CLCA4: variants seen among roughly 807,000 people sequenced by gnomAD.
The protein encoded by CLCA4 is calcium-activated chloride channel regulator 4.
Under a neutral mutation model 78.9 loss-of-function variants are expected in CLCA4, and 69 were observed. The ratio of observed to expected loss-of-function variants is 0.87; its 90% CI spans 0.72 to 1.07. The LOEUF is 1.07. CLCA4 is among the 50% of genes least tolerant of loss of function. The pLI, the probability that CLCA4 is intolerant of heterozygous loss-of-function variation, is 0.00. For missense variants in CLCA4, 1,133 were observed against 1,095.8 expected, an observed-to-expected ratio of 1.03 and a Z score of -0.48; for synonymous variants, 362 against 375.8, an observed-to-expected ratio of 0.96 and a Z score of 0.42.
At chr1:86,568,563 A>G (rs1028714862) in intron 7 of CLCA4, among the ~76,000 whole-genome samples, 6 of 151,730 alleles carry the variant, frequency 4.0e-5, no homozygotes, top group African/African-American at 1.5e-4. Context: ...TCAGTCTGAT[A>G]TTACTAAAAA....
At position 86,575,531 on chromosome 1, in the gene CLCA4, A is replaced by G. The variant is rs952127841; in HGVS notation, c.1883A>G (p.Asn628Ser). The stretch of plus-strand genomic sequence containing the variant: ...GGATATGTACCTGTTCTTGGAGCCA[A>G]TGTGACTGCTTTCATTGAATCACAG... ...LQGYVPVLGANVTAFIESQNG... is the reference protein window; with the variant it reads ...LQGYVPVLGASVTAFIESQNG... Residue 628 changes from asparagine to serine, a missense_variant, in exon 11 of 14, where the codon AAT (asparagine) becomes AGT (serine). Coordinates refer to ENST00000370563, the MANE Select transcript of CLCA4 (RefSeq NM_012128.4). 4 of 1,613,286 alleles carry G rather than the reference A, an allele frequency of 2.5e-6. No homozygotes were observed. Among genetic ancestry groups the G allele is most frequent in the African/African-American group, 2.7e-5 (2 of 74,876 alleles).
chr1:86,558,377 A>G (rs1649911662), intron 1 of CLCA4, among the ~76,000 whole-genome samples: 1 of 152,112 alleles, frequency 6.6e-6, no homozygotes, highest in African/African-American at 2.4e-5. Flanking sequence ...TTCTTTCAAG[A>G]TCTCTTGTCA....
chr1:86,574,540 C>T lies in CLCA4; in HGVS notation c.1468C>T (p.Leu490Phe), dbSNP rs755506392. Reference protein sequence around the residue: ...NTDLSQKSLQLESKGLTLNSN... With the variant: ...NTDLSQKSLQFESKGLTLNSN... ...TTAATTTTGAAATCTATTTAAACAG[C>T]TCGAAAGTAAGGGATTAACACTGAA... Residue 490 changes from leucine to phenylalanine, a missense_variant and splice_region_variant, in exon 10 of 14, where the codon CTC (leucine) becomes TTC (phenylalanine). By Grantham distance (22) the Leu-to-Phe change is conservative. Coordinates refer to ENST00000370563, the MANE Select transcript of CLCA4 (RefSeq NM_012128.4). 6 of 1,608,884 alleles carry T rather than the reference C, an allele frequency of 3.7e-6. No homozygotes were observed. Among genetic ancestry groups the T allele is most frequent in the Non-Finnish European group, 8.5e-7 (1 of 1,175,756 alleles).
Position 86,577,908 on chromosome 1 carries a change from ATTCT to A in CLCA4, c.1962_1965del (p.Phe655ArgfsTer21), listed in dbSNP as rs769821054. The A allele has an allele frequency of 2.1e-5, 34 of 1,609,258 alleles. No individual in the cohort carries two copies. Among genetic ancestry groups the A allele is most frequent in the Non-Finnish European group, 2.7e-5 (32 of 1,178,122 alleles). On this transcript the variant is annotated frameshift_variant, in exon 12 of 14. Transcript: ENST00000370563. LOFTEE classifies it high-confidence loss of function. ...CCTTCATTTCTATAACAAGGCGCTGATTCTTTCAAGAATGATGGAGTCTACTCCA... is the reference window on the plus strand; with the variant it reads ...CCTTCATTTCTATAACAAGGCGCTGATTCAAGAATGATGGAGTCTACTCCA...
intron 12 of CLCA4, 107 bp downstream of exon 12, chr1:86,578,179 C>A: frequency 9.9e-7 from 1 of 1,014,780 alleles, no homozygotes; most frequent in Non-Finnish European, 1.4e-6. Flanking sequence ...TATAGCTTTT[C>A]CCATTTATGG....
intron 1 of CLCA4, among the ~76,000 whole-genome samples, chr1:86,558,663 AAGG>A (rs1649921777): frequency 6.6e-6 from 1 of 152,168 alleles, no homozygotes; most frequent in African/African-American, 2.4e-5. Context: ...TGGCAGCAGG[AAGG>A]AGAAGTATGA....
At chr1:86,572,971 T>G in intron 9 of CLCA4, 1 of 442,444 alleles carries the variant, frequency 2.3e-6, no homozygotes. Flanking sequence ...AGAAATGACA[T>G]TACAATGTTA....
chr1:86,577,934 T>TC lies in CLCA4; in HGVS notation c.1986dup (p.Arg663GlnfsTer13). The TC allele has an allele frequency of 6.2e-7, 1 of 1,612,782 alleles. No homozygotes were observed. The highest frequency in any genetic ancestry group is 2.2e-5 in the East Asian group (1 of 44,826). ...TTCTTTCAAGAATGATGGAGTCTAC[T>TC]CCAGGTATTTTACAGCATATACAGA... On this transcript the variant is annotated frameshift_variant, in exon 12 of 14. Coordinates refer to ENST00000370563, the MANE Select transcript of CLCA4 (RefSeq NM_012128.4). LOFTEE classifies it high-confidence loss of function.
At chr1:86,571,461 T>C in intron 8 of CLCA4, 1 of 461,136 alleles carries the variant, frequency 2.2e-6, no homozygotes, top group South Asian at 4.7e-5. Context: ...ATAGCATTCC[T>C]ACATAACAGG....
chr1:86,565,922 A>G lies in CLCA4; in HGVS notation c.856A>G (p.Ile286Val), dbSNP rs1325860743. Residue 286 changes from isoleucine (I) to valine (V), a missense_variant, in exon 6 of 14, where the codon ATA becomes GTA. Ile to Val is a conservative substitution (Grantham distance 29). Transcript: ENST00000370563. ...ISNSEDFKNTIPMVTPPPPPV... is the reference protein window; with the variant it reads ...ISNSEDFKNTVPMVTPPPPPV... ...CAATTCTGAGGATTTTAAAAACACC[A>G]TACCCATGGTGACACCACCTCCTCC... 1 of 1,613,124 alleles carries G rather than the reference A, an allele frequency of 6.2e-7. No homozygotes were observed. The highest frequency in any genetic ancestry group is 8.5e-7 in the Non-Finnish European group (1 of 1,179,292).
chr1:86,555,077 G>A (rs1649796260), intron 1 of CLCA4, among the ~76,000 whole-genome samples: 1 of 151,850 alleles, frequency 6.6e-6, no homozygotes, highest in Admixed American at 6.6e-5. Flanking sequence ...TTGTAAATTT[G>A]TTTACATTCC....
chr1:86,563,268 T>C (rs1006771168), intron 3 of CLCA4, among the ~76,000 whole-genome samples: 2 of 151,640 alleles, frequency 1.3e-5, no homozygotes, highest in Non-Finnish European at 2.9e-5. Flanking sequence ...TTTCATATAA[T>C]TAATGCCTAT....
rs928828297 is a variant in CLCA4 at position 86,580,514 on chromosome 1, C to CTA, written c.*169_*170insTA. ...AAAGGATACTTTGATTAAATAAAAA[C>CTA]ACTCATGGATATGTAAAAACTGTCA... On this transcript the variant is annotated 3_prime_UTR_variant, in exon 14 of 14. Coordinates refer to ENST00000370563, the MANE Select transcript of CLCA4 (RefSeq NM_012128.4). 1 of 462,684 alleles carries CTA rather than the reference C, an allele frequency of 2.2e-6. No individual in the cohort carries two copies. Among genetic ancestry groups the CTA allele is most frequent in the African/African-American group, 2.0e-5 (1 of 49,762 alleles). The allele number at this position is 462,684 out of a possible 1,614,324, so 28.7% of individuals were successfully genotyped here. A position where few individuals can be genotyped will look rare whatever the true frequency, so the allele number is the denominator to read the frequency against.
rs945533922 is a variant in CLCA4, at chr1:86,575,565, T to A, written c.1917T>A (p.His639Gln). Residue 639 changes from histidine (H) to glutamine (Q), a missense_variant, in exon 11 of 14, where the codon CAT (histidine) becomes CAA (glutamine). By Grantham distance (24) the His-to-Gln change is conservative. Transcript: ENST00000370563. ...CTTTCATTGAATCACAGAATGGACA[T>A]ACAGAAGTTTTGGAACTTTTGGATA... ...VTAFIESQNG[H>Q]TEVLELLDNG... 1 of 1,612,936 alleles carries A rather than the reference T, an allele frequency of 6.2e-7. No homozygotes were observed. Among genetic ancestry groups the A allele is most frequent in the Non-Finnish European group, 8.5e-7 (1 of 1,179,322 alleles).
Position 86,575,604 on chromosome 1 carries a change from T to G in CLCA4, c.1951+5T>G. 1 of 1,609,486 alleles carries G rather than the reference T, an allele frequency of 6.2e-7. No homozygotes were observed. Among genetic ancestry groups the G allele is most frequent in the Non-Finnish European group, 8.5e-7 (1 of 1,177,164 alleles). Reference sequence around the variant, plus strand: ...AACTTTTGGATAATGGTGCAGGTAATTCACAGGTTTTTATGAATAAGCCAA... The same window carrying G: ...AACTTTTGGATAATGGTGCAGGTAAGTCACAGGTTTTTATGAATAAGCCAA... On this transcript the variant is annotated splice_donor_5th_base_variant and intron_variant, in intron 11 of 13. Coordinates refer to ENST00000370563, the MANE Select transcript of CLCA4 (RefSeq NM_012128.4).
rs971981455 is a variant in CLCA4 at position 86,565,929 on chromosome 1, T to C, written c.863T>C (p.Met288Thr). ...GAGGATTTTAAAAACACCATACCCA[T>C]GGTGACACCACCTCCTCCACCTGTC... ...NSEDFKNTIP[M>T]VTPPPPPVFS... Residue 288 changes from methionine to threonine, a missense_variant, in exon 6 of 14, where the codon ATG becomes ACG. Met to Thr is a moderately conservative substitution (Grantham distance 81). Transcript: ENST00000370563. 1.2e-6 allele frequency: 2 copies of C among 1,613,290 alleles called. No individual in the cohort carries two copies. The highest frequency in any genetic ancestry group is 1.7e-6 in the Non-Finnish European group (2 of 1,179,414).
intron 10 of CLCA4, 90 bp downstream of exon 10, chr1:86,574,845 G>T: frequency 1.1e-6 from 1 of 911,924 alleles, no homozygotes; most frequent in Non-Finnish European, 1.7e-6. Flanking sequence ...ACCAAAGGCT[G>T]TATCAACTTT....
chr1:86,553,295 G>T (rs1649720418), intron 1 of CLCA4: 2 of 697,814 alleles, frequency 2.9e-6, no homozygotes, highest in Non-Finnish European at 5.1e-6. Context: ...CTCCCTCCAC[G>T]TCTTCCTGGT....
intron 1 of CLCA4, chr1:86,552,646 G>A: frequency 1.3e-6 from 1 of 765,208 alleles, no homozygotes. Flanking sequence ...TCTCCACCAT[G>A]TGGTCCAGCT....
Sources: gnomAD v4.1 joint callset for allele counts (sites outside exome capture counted in the v4.1 genomes callset) on GRCh38, gnomAD v4.1.1 for gene constraint, MANE v1.5 for transcripts, NCBI Gene and HGNC (gene_info 2026-07-23, HGNC 2026-07-21) for gene names.